PTPRG: variants seen among roughly 807,000 people sequenced by gnomAD.
PTPRG encodes the protein receptor-type tyrosine-protein phosphatase gamma.
In PTPRG, 102 loss-of-function variants were observed where a neutral mutation model predicts 165.3. That is an observed-to-expected ratio of 0.62 (90% CI 0.53 to 0.73). PTPRG has a LOEUF of 0.73. PTPRG is among the 30% of genes least tolerant of loss of function. PTPRG has a pLI of 0.00. For synonymous variants in PTPRG, 675 were observed against 669.5 expected, an observed-to-expected ratio of 1.01 and a Z score of -0.13; for missense variants, 1,866 against 1,861.4, an observed-to-expected ratio of 1.00 and a Z score of -0.05.
intron 2 of PTPRG, among the ~76,000 whole-genome samples, chr3:61,787,495 G>A (rs1248709965): frequency 1.3e-5 from 2 of 152,128 alleles, no homozygotes; most frequent in Admixed American, 1.3e-4. Context: ...TATTCCGAGT[G>A]GTATCATTAG....
chr3:62,099,791 A>ATTT (rs1379766555), intron 5 of PTPRG, among the ~76,000 whole-genome samples: 2 of 133,876 alleles, frequency 1.5e-5, no homozygotes, highest in African/African-American at 2.7e-5. Flanking sequence ...TAAGTGTTAA[A>ATTT]TCTTTTTTTT....
chr3:61,984,486 C>A (rs192252718), intron 2 of PTPRG, among the ~76,000 whole-genome samples: 9 of 152,150 alleles, frequency 5.9e-5, no homozygotes, highest in Non-Finnish European at 1.0e-4. Context: ...ATCTATCATG[C>A]CATAGACACG....
chr3:61,854,444 A>G (rs1036488077), intron 2 of PTPRG, among the ~76,000 whole-genome samples: 6 of 152,112 alleles, frequency 3.9e-5, no homozygotes, highest in South Asian at 2.1e-4. Context: ...TGTCTTCTCT[A>G]TTTACTCTGT....
At chr3:61,992,502 G>A (rs957172047) in intron 3 of PTPRG, among the ~76,000 whole-genome samples, 1 of 152,092 alleles carries the variant, frequency 6.6e-6, no homozygotes, top group Admixed American at 6.5e-5. Flanking sequence ...TGGGATTACA[G>A]ACAGCCACCT....
At chr3:62,017,288 C>T (rs956220311) in intron 4 of PTPRG, among the ~76,000 whole-genome samples, 26 of 152,282 alleles carry the variant, frequency 1.7e-4, no homozygotes, top group Admixed American at 6.5e-4. Flanking sequence ...GAAAGCAAAT[C>T]CTACCCCAAA....
intron 2 of PTPRG, among the ~76,000 whole-genome samples, chr3:61,890,146 G>A (rs994907546): frequency 6.6e-6 from 1 of 152,114 alleles, no homozygotes; most frequent in Non-Finnish European, 1.5e-5. Flanking sequence ...TCATTTTGCA[G>A]TCTGAAGGTC....
At chr3:61,742,282 C>T (rs921425374) in intron 1 of PTPRG, among the ~76,000 whole-genome samples, 2 of 151,974 alleles carry the variant, frequency 1.3e-5, no homozygotes, top group Non-Finnish European at 1.5e-5. Flanking sequence ...TTCTTATAAA[C>T]TATGTCCGGT....
intron 2 of PTPRG, among the ~76,000 whole-genome samples, chr3:61,937,813 T>C (rs1380203874): frequency 6.6e-6 from 1 of 152,236 alleles, no homozygotes; most frequent in Non-Finnish European, 1.5e-5. Flanking sequence ...TAACGTCTTT[T>C]GAGTAAAGTC....
chr3:62,083,200 T>C (rs1448397505), intron 5 of PTPRG, among the ~76,000 whole-genome samples: 6 of 152,236 alleles, frequency 3.9e-5, no homozygotes, highest in South Asian at 4.1e-4. Flanking sequence ...TGTGAAAATA[T>C]AAAATATCAG....
intron 5 of PTPRG, among the ~76,000 whole-genome samples, chr3:62,130,218 G>A (rs985781696): frequency 3.3e-5 from 5 of 152,158 alleles, no homozygotes; most frequent in African/African-American, 9.7e-5. Flanking sequence ...GAGTCTAGAA[G>A]AACGTTAGCT....
intron 2 of PTPRG, among the ~76,000 whole-genome samples, chr3:61,775,657 G>T (rs1273003161): frequency 2.0e-5 from 3 of 152,076 alleles, no homozygotes; most frequent in Non-Finnish European, 4.4e-5. Context: ...TCTTGGCTAA[G>T]AAATCAAGGT....
chr3:61,873,160 T>C (rs1484120485), intron 2 of PTPRG, among the ~76,000 whole-genome samples: 3 of 152,190 alleles, frequency 2.0e-5, no homozygotes, highest in South Asian at 2.1e-4. Context: ...TTTAGAGAAA[T>C]TTTGATACAT....
chr3:62,137,328 C>A (rs1703745942), intron 6 of PTPRG, among the ~76,000 whole-genome samples: 1 of 151,940 alleles, frequency 6.6e-6, no homozygotes, highest in African/African-American at 2.4e-5. Flanking sequence ...GTTTAAAATC[C>A]ATTTTTTAAA....
intron 2 of PTPRG, among the ~76,000 whole-genome samples, chr3:61,904,995 T>G (rs950226106): frequency 7.9e-5 from 12 of 152,098 alleles, no homozygotes; most frequent in African/African-American, 2.9e-4. Flanking sequence ...TTTCCTGCAC[T>G]TTGATGAAGG....
rs747899530 is a variant in PTPRG at position 62,201,515 on chromosome 3, T to A, written c.1338T>A (p.Thr446=). The A allele has an allele frequency of 6.2e-7, 1 of 1,609,012 alleles. No individual in the cohort carries two copies. The highest frequency in any genetic ancestry group is 8.5e-7 in the Non-Finnish European group (1 of 1,177,150). ...TTCTTTGTTTCTCAGCTAATACCAC[T>A]CGAATATTCCAAGGGACCAGAATAG... The part of the protein sequence containing the change: ...SQTMLFQANT[T]RIFQGTRIVK... Residue 446 remains threonine, a synonymous_variant, in exon 11 of 30, where the codon ACT becomes ACA. Transcript: ENST00000474889.
chr3:61,708,700 G>A (rs184868432), intron 1 of PTPRG, among the ~76,000 whole-genome samples: 235 of 151,846 alleles, frequency 1.5e-3, no homozygotes, highest in African/African-American at 4.9e-3. Flanking sequence ...CTCATGATCC[G>A]CCCGCCTCGG....
intron 1 of PTPRG, among the ~76,000 whole-genome samples, chr3:61,631,581 A>G (rs903913158): frequency 6.6e-6 from 1 of 152,222 alleles, no homozygotes; most frequent in Non-Finnish European, 1.5e-5. Context: ...TAGGGGTCTC[A>G]GAATGTATCC....
intron 4 of PTPRG, among the ~76,000 whole-genome samples, chr3:62,030,040 A>G (rs1245594841): frequency 6.6e-6 from 1 of 152,120 alleles, no homozygotes; most frequent in African/African-American, 2.4e-5. Flanking sequence ...ATTGTTTGCA[A>G]TTTGCCTCTA....
chr3:61,569,235 A>G (rs1398060425), intron 1 of PTPRG, among the ~76,000 whole-genome samples: 2 of 152,234 alleles, frequency 1.3e-5, no homozygotes, highest in Non-Finnish European at 2.9e-5. Flanking sequence ...TACAGAACAT[A>G]GCAAAATAGG....
Sources: allele counts gnomAD v4.1 joint callset (sites outside exome capture counted in the v4.1 genomes callset), GRCh38; gene constraint gnomAD v4.1.1; transcripts MANE v1.5; gene names NCBI Gene and HGNC (gene_info 2026-07-23, HGNC 2026-07-21).